Variants in IARS1 observed in about 807,000 individuals in gnomAD.
IARS1 encodes isoleucyl-tRNA synthetase 1.
IARS1 carries 124 observed loss-of-function variants against 168.2 expected under a neutral mutation model. That is an observed-to-expected ratio of 0.74 (90% CI 0.64 to 0.86). The LOEUF (loss-of-function observed/expected upper bound fraction) is 0.86. Among genes scored for constraint, IARS1 ranks in the 40% least tolerant of loss-of-function variants. The pLI, the probability that IARS1 is intolerant of heterozygous loss-of-function variation, is 0.00. For missense variants in IARS1, 1,452 were observed against 1,515.8 expected (o/e 0.96, Z 0.70); for synonymous variants, 532 against 529.4 (o/e 1.00, Z -0.07).
At chr9:92,283,859 T>G (rs1168032915) in intron 6 of IARS1, among the ~76,000 whole-genome samples, 1 of 152,184 alleles carries the variant, frequency 6.6e-6, no homozygotes, top group East Asian at 1.9e-4. Context: ...GTTCAGGAAT[T>G]ACATAATTTG....
At chr9:92,270,885 A>C in intron 12 of IARS1, 100 bp downstream of exon 12, 1 of 733,544 alleles carries the variant, frequency 1.4e-6, no homozygotes, top group Non-Finnish European at 2.1e-6. Context: ...AAAGGATACA[A>C]GTGAGATGAA....
chr9:92,234,846 C>CTT (rs879895020), intron 30 of IARS1, among the ~76,000 whole-genome samples: 3 of 142,194 alleles, frequency 2.1e-5, no homozygotes, highest in Admixed American at 7.1e-5. Flanking sequence ...GCAATATGAG[C>CTT]TTTTTTTTTT....
Position 92,260,236 on chromosome 9 carries a change from T to C in IARS1, c.1788-2A>G. 6.2e-7 allele frequency: 1 copy of C among 1,605,728 alleles called. No individual in the cohort carries two copies. Among genetic ancestry groups the C allele is most frequent in the Non-Finnish European group, 8.5e-7 (1 of 1,172,296 alleles). ...CGTTTGCTCATTTTTTGGCCATCAC[T>C]TGTAAAACAAAAGGGAGATGCCAAT... is the stretch of plus-strand genomic sequence containing the variant. On this transcript the variant is annotated splice_acceptor_variant, in intron 17 of 33. Coordinates refer to ENST00000443024, the MANE Select transcript of IARS1 (RefSeq NM_002161.6). LOFTEE classifies it high-confidence loss of function.
intron 33 of IARS1, among the ~76,000 whole-genome samples, chr9:92,219,743 G>T (rs1839362635): frequency 8.6e-6 from 1 of 115,610 alleles, no homozygotes; most frequent in African/African-American, 4.4e-5. Context: ...AGTTAGAATG[G>T]CAATCATTCA....
At chr9:92,243,012 C>T in intron 28 of IARS1, 1 of 477,962 alleles carries the variant, frequency 2.1e-6, no homozygotes, top group East Asian at 4.0e-5. Flanking sequence ...CACAGGCTGG[C>T]TGAAAGCTAC....
In IARS1 at chr9:92,233,788, G is replaced by T. The variant is rs934304475; in HGVS notation, c.3284-4662C>A. 2.0e-5 allele frequency among the ~76,000 whole-genome samples: 3 copies of T among 152,094 alleles called. No individual in the cohort carries two copies. In the East Asian group the frequency reaches 5.8e-4, roughly 29 times the overall value. On this transcript the variant is annotated intron_variant, in intron 30 of 33. Coordinates refer to ENST00000443024, the MANE Select transcript of IARS1 (RefSeq NM_002161.6). The stretch of plus-strand genomic sequence containing the variant: ...ATCTGAATATTTTTTTGGAGACAAG[G>T]TCTCACTGTGTGGCCCAGGCTGGAG...
Position 92,263,068 on chromosome 9 carries a change from C to A in IARS1, c.1701-13G>T. ...CAGGGTATAAAACCTGAAAAAAAAC[C>A]CCAAACAGTTCAATAAAAATAGAAA... On this transcript the variant is annotated splice_polypyrimidine_tract_variant and intron_variant, in intron 16 of 33. Coordinates refer to ENST00000443024, the MANE Select transcript of IARS1 (RefSeq NM_002161.6). 1 of 1,582,986 alleles carries A rather than the reference C, an allele frequency of 6.3e-7. No individual in the cohort carries two copies. Among genetic ancestry groups the A allele is most frequent in the South Asian group, 1.1e-5 (1 of 90,350 alleles).
chr9:92,258,099 T>C (rs1456971350), intron 19 of IARS1, among the ~76,000 whole-genome samples: 7 of 152,292 alleles, frequency 4.6e-5, no homozygotes, highest in Non-Finnish European at 1.5e-5. Context: ...CACTCTCAGA[T>C]TAGCCCAAAT....
At chr9:92,280,341 T>C (rs1171143183) in intron 7 of IARS1, among the ~76,000 whole-genome samples, 1 of 152,200 alleles carries the variant, frequency 6.6e-6, no homozygotes, top group Non-Finnish European at 1.5e-5. Context: ...TCTTTTTAAA[T>C]CTCGGAAAGG....
intron 31 of IARS1, among the ~76,000 whole-genome samples, chr9:92,226,456 TTTAAG>T (rs1300504849): frequency 6.6e-6 from 1 of 152,204 alleles, no homozygotes; most frequent in Non-Finnish European, 1.5e-5. Flanking sequence ...CATTTCTTCT[TTTAAG>T]TTATTTAAAA....
In IARS1 at chr9:92,249,921, C is replaced by G. The variant is rs1418832831; in HGVS notation, c.2553G>C (p.Val851=). The G allele has an allele frequency of 1.2e-6, 2 of 1,604,802 alleles. No individual in the cohort carries two copies. The highest frequency in any genetic ancestry group is 1.1e-5 in the South Asian group (1 of 90,676). ...GAGCTTCTGGATCTTGATGGATAACCACAATTTCTTTCAAAGGATACTAGG... is the reference window on the plus strand; with the variant it reads ...GAGCTTCTGGATCTTGATGGATAACGACAATTTCTTTCAAAGGATACTAGG... ...IPIKYPLKEI[V]VIHQDPEALK... is the part of the protein sequence containing the mutation. Residue 851 remains valine (V), a synonymous_variant, in exon 25 of 34, where the codon GTG becomes GTC. Transcript: ENST00000443024.
intron 30 of IARS1, among the ~76,000 whole-genome samples, chr9:92,238,828 G>A (rs908224250): frequency 6.6e-6 from 1 of 152,132 alleles, no homozygotes; most frequent in Non-Finnish European, 1.5e-5. Context: ...TAGAAACCTC[G>A]CTCCTTTGTA....
rs1033365916 is a variant in IARS1, at chr9:92,211,131, A to G, written c.3707-242T>C. Among the ~76,000 whole-genome samples the G allele has an allele frequency of 2.0e-5, 3 of 152,148 alleles. No individual in the cohort carries two copies. The East Asian group carries it at 5.8e-4, about 29-fold the overall frequency. On this transcript the variant is annotated intron_variant, in intron 33 of 33. Transcript: ENST00000443024. The stretch of plus-strand genomic sequence containing the variant: ...TGTTGCTAATGAGACAATTCAGGGT[A>G]GTGCTGGCCAGGACAGAAAGACCAA...
At chr9:92,213,742 T>G (rs2133312953) in intron 33 of IARS1, among the ~76,000 whole-genome samples, 1 of 152,318 alleles carries the variant, frequency 6.6e-6, no homozygotes, top group East Asian at 1.9e-4. Context: ...CACTTAGCTT[T>G]GTTTTGGAGT....
At chr9:92,215,530 T>G (rs1352210168) in intron 33 of IARS1, among the ~76,000 whole-genome samples, 2 of 151,300 alleles carry the variant, frequency 1.3e-5, no homozygotes, top group African/African-American at 4.9e-5. Flanking sequence ...TTGAAAAAAA[T>G]TTAGAAGAAT....
chr9:92,293,291 G>A (rs1836680671), intron 1 of IARS1: 2 of 286,656 alleles, frequency 7.0e-6, no homozygotes, highest in South Asian at 6.8e-5. Flanking sequence ...AGTAAATTAC[G>A]GTACATCAAT....
chr9:92,288,665 A>C (rs890851605), intron 2 of IARS1, among the ~76,000 whole-genome samples: 2 of 152,170 alleles, frequency 1.3e-5, no homozygotes, highest in African/African-American at 4.8e-5. Context: ...ATGAGGACTA[A>C]AGGCAGGTAG....
At position 92,228,108 on chromosome 9, in the gene IARS1, C is replaced by T. The variant is rs529036913; in HGVS notation, c.3409+893G>A. Reference sequence around the variant, plus strand: ...CGGCACCTCAGGAGGCCAAGGCTGGCGGATCACTGGCGGTTAGGAGCTGGA... The same window carrying T: ...CGGCACCTCAGGAGGCCAAGGCTGGTGGATCACTGGCGGTTAGGAGCTGGA... On this transcript the variant is annotated intron_variant, in intron 31 of 33. Transcript: ENST00000443024. Among the ~76,000 whole-genome samples the T allele has an allele frequency of 9.2e-5, 14 of 152,180 alleles. No homozygotes were observed. The South Asian group carries it at 2.1e-3, about 23-fold the overall frequency.
chr9:92,227,235 T>C (rs1192591264), intron 31 of IARS1, among the ~76,000 whole-genome samples: 3 of 148,092 alleles, frequency 2.0e-5, no homozygotes, highest in Non-Finnish European at 4.5e-5. Context: ...ACCATCCGAT[T>C]TCTCAATCTT....
Sources: gnomAD v4.1 joint callset for allele counts (sites outside exome capture counted in the v4.1 genomes callset) on GRCh38, gnomAD v4.1.1 for gene constraint, MANE v1.5 for transcripts, NCBI Gene and HGNC (gene_info 2026-07-23, HGNC 2026-07-21) for gene names.